OPCML: variants seen among roughly 807,000 people sequenced by gnomAD.
OPCML encodes opioid-binding protein/cell adhesion molecule.
In OPCML, 13 loss-of-function variants were observed where a neutral mutation model predicts 37.8. That is an observed-to-expected ratio of 0.34 (90% CI 0.22 to 0.55). The LOEUF (loss-of-function observed/expected upper bound fraction) is 0.55, where lower values mean the gene tolerates loss of function less well. Ranked by LOEUF, OPCML falls within the 20% of genes least tolerant of loss-of-function variation. OPCML has a pLI of 0.91. For missense variants in OPCML, 341 were observed against 435.6 expected, an observed-to-expected ratio of 0.78 and a Z score of 1.93; for synonymous variants, 176 against 168.8, an observed-to-expected ratio of 1.04 and a Z score of -0.33.
rs5795789 is a variant in OPCML at position 132,554,863 on chromosome 11, G to GTTTTTTTTTTT, written c.380-25688_380-25678dup. On this transcript the variant is annotated intron_variant, in intron 3 of 7. Coordinates refer to ENST00000524381, the MANE Select transcript of OPCML (RefSeq NM_001012393.5). ...ATAAAAGCCATGGGAATGGGGTAAA[G>GTTTTTTTTTTT]TTTTTTTTTTTTTTTTTTTTTTTTT... Among the ~76,000 whole-genome samples, 22 of 64,028 alleles carry GTTTTTTTTTTT rather than the reference G, an allele frequency of 3.4e-4. 5 individuals are homozygous for GTTTTTTTTTTT. The highest frequency in any genetic ancestry group is 1.0e-3 in the African/African-American group (18 of 17,342). 42.0% of individuals were successfully genotyped at this position (64,028 alleles called of 152,430 possible). A position where few individuals can be genotyped will look rare whatever the true frequency, so the allele number is the denominator to read the frequency against.
At chr11:133,060,264 A>G (rs1375446317) in intron 1 of OPCML, among the ~76,000 whole-genome samples, 2 of 148,482 alleles carry the variant, frequency 1.3e-5, no homozygotes, top group African/African-American at 2.5e-5. Flanking sequence ...CTAAGCTTCT[A>G]ATTCAGGAAG....
At chr11:133,191,009 G>T (rs1938290086) in intron 1 of OPCML, among the ~76,000 whole-genome samples, 1 of 151,990 alleles carries the variant, frequency 6.6e-6, no homozygotes, top group South Asian at 2.1e-4. Context: ...ATGTCTCGGG[G>T]TGGAATTACT....
At chr11:133,230,424 T>C (rs895159394) in intron 1 of OPCML, among the ~76,000 whole-genome samples, 103 of 152,224 alleles carry the variant, frequency 6.8e-4, no homozygotes, top group African/African-American at 2.3e-3. Flanking sequence ...TCGTTTCTAT[T>C]TCTGCCTCCC....
At position 133,141,042 on chromosome 11, in the gene OPCML, C is replaced by CGAA. The variant is rs1331607666; in HGVS notation, c.62-198033_62-198032insTTC. The stretch of plus-strand genomic sequence containing the variant: ...ACGACGACGACGACGACGACGACGA[C>CGAA]GACGACGAAGAAGAAGAAGAAGAAG... On this transcript the variant is annotated intron_variant, in intron 1 of 7. Coordinates refer to ENST00000524381, the MANE Select transcript of OPCML (RefSeq NM_001012393.5). 3.7e-4 allele frequency among the ~76,000 whole-genome samples: 2 copies of CGAA among 5,450 alleles called. 1 individual carries two copies. Among genetic ancestry groups the CGAA allele is most frequent in the African/African-American group, 6.5e-4 (2 of 3,088 alleles). 3.6% of individuals were successfully genotyped at this position (5,450 alleles called of 152,430 possible). A position where few individuals can be genotyped will look rare whatever the true frequency, so the allele number is the denominator to read the frequency against.
chr11:132,577,273 G>C (rs2096453084), intron 3 of OPCML, among the ~76,000 whole-genome samples: 2 of 152,040 alleles, frequency 1.3e-5, no homozygotes, highest in Admixed American at 1.3e-4. Context: ...CACTCTTTTG[G>C]TTGCTTATGT....
chr11:133,166,678 C>T (rs1950213069), intron 1 of OPCML, among the ~76,000 whole-genome samples: 1 of 152,196 alleles, frequency 6.6e-6, no homozygotes, highest in African/African-American at 2.4e-5. Flanking sequence ...CCGGACCGTG[C>T]TCCTCATCAG....
intron 1 of OPCML, among the ~76,000 whole-genome samples, chr11:133,091,545 G>C (rs1231470717): frequency 6.6e-6 from 1 of 152,216 alleles, no homozygotes; most frequent in African/African-American, 2.4e-5. Flanking sequence ...AGTGTGTCCA[G>C]GAGGTGAGAC....
intron 3 of OPCML, among the ~76,000 whole-genome samples, chr11:132,547,333 T>A (rs2096370984): frequency 6.6e-6 from 1 of 152,114 alleles, no homozygotes; most frequent in African/African-American, 2.4e-5. Flanking sequence ...CATTTGTCTA[T>A]CCCTAAGACA....
At chr11:133,311,187 T>A (rs1943059888) in intron 1 of OPCML, among the ~76,000 whole-genome samples, 1 of 152,206 alleles carries the variant, frequency 6.6e-6, no homozygotes, top group Non-Finnish European at 1.5e-5. Context: ...AAAAACATCA[T>A]TTTAAAGCAT....
intron 4 of OPCML, among the ~76,000 whole-genome samples, chr11:132,508,469 A>C (rs890770305): frequency 6.6e-6 from 1 of 151,762 alleles, no homozygotes; most frequent in Non-Finnish European, 1.5e-5. Context: ...GCCAAAAAAA[A>C]CATTGGACAA....
At chr11:132,659,669 T>C (rs1941867880) in intron 2 of OPCML, among the ~76,000 whole-genome samples, 1 of 152,140 alleles carries the variant, frequency 6.6e-6, no homozygotes. Flanking sequence ...TTAGAACATA[T>C]TCACATTTAA....
rs531681466 is a variant in OPCML at position 133,056,308 on chromosome 11, G to T, written c.62-113298C>A. Reference sequence around the variant, plus strand: ...AAAAGGAAAAATGAGTGACTGAGAGGCTCAGTGAACATGAATACAGAATGA... The same window carrying T: ...AAAAGGAAAAATGAGTGACTGAGAGTCTCAGTGAACATGAATACAGAATGA... On this transcript the variant is annotated intron_variant, in intron 1 of 7. Transcript: ENST00000524381. Among the ~76,000 whole-genome samples, 15 of 152,228 alleles carry T rather than the reference G, an allele frequency of 9.9e-5. No individual in the cohort carries two copies. In the East Asian group the frequency reaches 1.9e-3, roughly 20 times the overall value.
chr11:132,515,916 A>C (rs1011786722), intron 4 of OPCML, among the ~76,000 whole-genome samples: 5 of 152,206 alleles, frequency 3.3e-5, no homozygotes, highest in Non-Finnish European at 7.3e-5. Context: ...TTCTGGTGTC[A>C]CACAGAGAAC....
chr11:132,767,275 TG>T (rs144909150), intron 2 of OPCML, among the ~76,000 whole-genome samples: 1,604 of 152,206 alleles, frequency 0.011, 13 homozygotes, highest in Middle Eastern at 0.031. Flanking sequence ...TAAGGAGCCC[TG>T]GGTGGTGTGT....
At chr11:132,718,037 T>C (rs548647544) in intron 2 of OPCML, among the ~76,000 whole-genome samples, 104 of 152,316 alleles carry the variant, frequency 6.8e-4, no homozygotes, top group African/African-American at 2.4e-3. Context: ...GGTGCAGTGA[T>C]AGCAAACCAC....
At chr11:133,213,010 T>C (rs1361561334) in intron 1 of OPCML, among the ~76,000 whole-genome samples, 1 of 152,144 alleles carries the variant, frequency 6.6e-6, no homozygotes, top group Admixed American at 6.5e-5. Flanking sequence ...CAATGAAACA[T>C]GGGAAATTGA....
intron 2 of OPCML, among the ~76,000 whole-genome samples, chr11:132,745,650 T>C (rs998992108): frequency 2.0e-5 from 3 of 150,054 alleles, no homozygotes; most frequent in Non-Finnish European, 4.4e-5. Context: ...TTCTTGAGGG[T>C]TTTTCTCCAT....
At chr11:132,499,214 C>G (rs1429367739) in intron 4 of OPCML, among the ~76,000 whole-genome samples, 1 of 152,146 alleles carries the variant, frequency 6.6e-6, no homozygotes, top group Non-Finnish European at 1.5e-5. Context: ...TCTGCCAGCC[C>G]TAAGACAGCA....
Position 133,043,610 on chromosome 11 carries a change from C to T in OPCML, c.62-100600G>A, listed in dbSNP as rs569040497. On this transcript the variant is annotated intron_variant, in intron 1 of 7. Transcript: ENST00000524381. ...GGTGTGTACGGGATTAGACAACACGCATCCTGACAAACAGAATCAGCCCTT... is the reference window on the plus strand; with the variant it reads ...GGTGTGTACGGGATTAGACAACACGTATCCTGACAAACAGAATCAGCCCTT... 1.8e-3 allele frequency among the ~76,000 whole-genome samples: 278 copies of T among 152,356 alleles called. 1 individual carries two copies. Among genetic ancestry groups the T allele is most frequent in the African/African-American group, 6.5e-3 (272 of 41,578 alleles).
Sources: gnomAD v4.1 joint callset for allele counts (sites outside exome capture counted in the v4.1 genomes callset) on GRCh38, gnomAD v4.1.1 for gene constraint, MANE v1.5 for transcripts, NCBI Gene and HGNC (gene_info 2026-07-23, HGNC 2026-07-21) for gene names.